FAR2: variants seen among roughly 807,000 people sequenced by gnomAD.
The protein encoded by FAR2 is epididymis secretory protein Li 81.
Under a neutral mutation model 56.0 loss-of-function variants are expected in FAR2, and 19 were observed. The ratio of observed to expected loss-of-function variants is 0.34; its 90% CI spans 0.24 to 0.50. FAR2 has a LOEUF of 0.50. Among genes scored for constraint, FAR2 ranks in the 20% least tolerant of loss-of-function variants. FAR2 has a pLI of 0.98. For missense variants in FAR2, 508 were observed against 642.2 expected (o/e 0.79, Z 2.26); for synonymous variants, 219 against 218.8 (o/e 1.00, Z -0.01).
At chr12:29,220,179 C>G (rs1947669575) in intron 1 of FAR2, among the ~76,000 whole-genome samples, 2 of 152,146 alleles carry the variant, frequency 1.3e-5, no homozygotes, top group Non-Finnish European at 2.9e-5. Flanking sequence ...CTGGCTGTGT[C>G]AATTTTTCGT....
chr12:29,231,150 G>C (rs766860243), intron 1 of FAR2, among the ~76,000 whole-genome samples: 2 of 152,160 alleles, frequency 1.3e-5, no homozygotes, highest in Non-Finnish European at 2.9e-5. Context: ...CAACGAGTTT[G>C]GAGTTGGGGA....
intron 1 of FAR2, among the ~76,000 whole-genome samples, chr12:29,166,729 C>T (rs1056453000): frequency 2.6e-5 from 4 of 152,196 alleles, no homozygotes; most frequent in African/African-American, 9.6e-5. Context: ...AGTCCTCAGG[C>T]TTTGACATTG....
chr12:29,229,298 T>A (rs1271691891), intron 1 of FAR2, among the ~76,000 whole-genome samples: 1 of 152,214 alleles, frequency 6.6e-6, no homozygotes, highest in Non-Finnish European at 1.5e-5. Context: ...AGTCTGATTG[T>A]TAAACAAGCT....
chr12:29,242,219 C>T (rs1201788626), intron 1 of FAR2, among the ~76,000 whole-genome samples: 1 of 152,106 alleles, frequency 6.6e-6, no homozygotes, highest in Non-Finnish European at 1.5e-5. Flanking sequence ...CTCAAAATGA[C>T]AAATAAGGTG....
At chr12:29,175,235 T>C (rs1243804908) in intron 1 of FAR2, among the ~76,000 whole-genome samples, 2 of 152,220 alleles carry the variant, frequency 1.3e-5, no homozygotes, top group African/African-American at 4.8e-5. Context: ...CCAGAATTGG[T>C]TCCTTCCAGT....
At chr12:29,250,363 G>T (rs1450172448) in intron 1 of FAR2, among the ~76,000 whole-genome samples, 1 of 152,168 alleles carries the variant, frequency 6.6e-6, no homozygotes, top group Admixed American at 6.5e-5. Context: ...AGGCAGCTCT[G>T]TGGGATAGTT....
chr12:29,204,296 C>G (rs921680623), intron 1 of FAR2, among the ~76,000 whole-genome samples: 1 of 151,958 alleles, frequency 6.6e-6, no homozygotes, highest in Non-Finnish European at 1.5e-5. Flanking sequence ...AGTGAAGACA[C>G]GGCCCCTGTC....
In FAR2 at chr12:29,170,415, A is replaced by G. The variant is rs543469527; in HGVS notation, c.-39+21008A>G. Among the ~76,000 whole-genome samples, 126 of 152,390 alleles carry G rather than the reference A, an allele frequency of 8.3e-4. 1 individual carries two copies. The highest frequency in any genetic ancestry group is 2.9e-3 in the African/African-American group (119 of 41,602). ...TCAGTGGCCTCAGTGCTTTCGGGCT[A>G]TGCCCTTGTTTACACTGACAACAAG... On this transcript the variant is annotated intron_variant, in intron 1 of 11. Coordinates refer to ENST00000536681, the MANE Select transcript of FAR2 (RefSeq NM_001271783.2).
At chr12:29,324,509 G>T (rs1374191583) in intron 10 of FAR2, among the ~76,000 whole-genome samples, 3 of 152,162 alleles carry the variant, frequency 2.0e-5, no homozygotes, top group Admixed American at 6.5e-5. Flanking sequence ...GAAAGGTCGG[G>T]TTACCCACAA....
chr12:29,192,976 T>C (rs1454832413), intron 1 of FAR2, among the ~76,000 whole-genome samples: 1 of 152,252 alleles, frequency 6.6e-6, no homozygotes, highest in Non-Finnish European at 1.5e-5. Flanking sequence ...CTTTTTCATT[T>C]GTTAACAACG....
At chr12:29,221,930 C>T (rs1947698599) in intron 1 of FAR2, among the ~76,000 whole-genome samples, 2 of 152,170 alleles carry the variant, frequency 1.3e-5, no homozygotes, top group African/African-American at 2.4e-5. Context: ...CCACTACAAC[C>T]TCCGCCTCCC....
intron 1 of FAR2, among the ~76,000 whole-genome samples, chr12:29,201,144 T>G (rs184721945): frequency 3.6e-4 from 55 of 152,224 alleles, no homozygotes; most frequent in Non-Finnish European, 3.2e-4. Context: ...GCTTGAAGGT[T>G]TCCTCTCTCT....
At position 29,318,706 on chromosome 12, in the gene FAR2, T is replaced by C. The variant is rs1565522362; in HGVS notation, c.1127+1694T>C. 2.0e-5 allele frequency among the ~76,000 whole-genome samples: 3 copies of C among 152,336 alleles called. No homozygotes were observed. In the East Asian group the frequency reaches 5.8e-4, roughly 29 times the overall value. The stretch of plus-strand genomic sequence containing the variant: ...GGTATGTGTGTATATAAATCAATTG[T>C]ACATATTTTACAACTTTTTCCACTA... On this transcript the variant is annotated intron_variant, in intron 9 of 11. Coordinates refer to ENST00000536681, the MANE Select transcript of FAR2 (RefSeq NM_001271783.2).
intron 1 of FAR2, among the ~76,000 whole-genome samples, chr12:29,266,838 A>T (rs1165171692): frequency 6.6e-6 from 1 of 152,170 alleles, no homozygotes; most frequent in East Asian, 1.9e-4. Context: ...CTTTAGAAAG[A>T]AATCTCTAAA....
chr12:29,295,961 G>A (rs1036641119), intron 3 of FAR2, among the ~76,000 whole-genome samples: 3 of 150,426 alleles, frequency 2.0e-5, no homozygotes, highest in Non-Finnish European at 4.4e-5. Context: ...GTAGAGACGG[G>A]GTTTCACCTT....
intron 1 of FAR2, among the ~76,000 whole-genome samples, chr12:29,218,363 A>C (rs1947648063): frequency 6.6e-6 from 1 of 151,894 alleles, no homozygotes; most frequent in African/African-American, 2.4e-5. Context: ...CGTCTCAAAA[A>C]AAAAAAAGAT....
rs369218390 is a variant in FAR2 at position 29,221,283 on chromosome 12, C to A, written c.-38-49129C>A. On this transcript the variant is annotated intron_variant, in intron 1 of 11. Coordinates refer to ENST00000536681, the MANE Select transcript of FAR2 (RefSeq NM_001271783.2). The stretch of plus-strand genomic sequence containing the variant: ...GCCTTTCCCTGATGCCGACTAGGAC[C>A]AATTATTATTTTAGAGAAAGTGTAA... Among the ~76,000 whole-genome samples the A allele has an allele frequency of 4.6e-5, 7 of 152,010 alleles. No individual in the cohort carries two copies. In the East Asian group the frequency reaches 1.2e-3, roughly 25 times the overall value.
rs74780103 is a variant in FAR2, at chr12:29,240,071, C to T, written c.-38-30341C>T. Reference sequence around the variant, plus strand: ...CCATCGTTCCAAGAGCTTCCAAAATCTCTTTCTCTATCAAAAAGACAAATG... The same window carrying T: ...CCATCGTTCCAAGAGCTTCCAAAATTTCTTTCTCTATCAAAAAGACAAATG... On this transcript the variant is annotated intron_variant, in intron 1 of 11. Transcript: ENST00000536681. 7.0e-3 allele frequency among the ~76,000 whole-genome samples: 1,069 copies of T among 152,348 alleles called. 7 individuals carry two copies. Among genetic ancestry groups the T allele is most frequent in the Non-Finnish European group, 0.011 (746 of 68,040 alleles).
rs556779199 is a variant in FAR2, at chr12:29,308,254, T to C, written c.723+419T>C. Among the ~76,000 whole-genome samples the C allele has an allele frequency of 2.6e-5, 4 of 152,326 alleles. No individual in the cohort carries two copies. The South Asian group carries it at 8.3e-4, about 32-fold the overall frequency. On this transcript the variant is annotated intron_variant, in intron 5 of 11. Transcript: ENST00000536681. ...TCAGTTTAGGAATACTAATTTTTTT[T>C]AAACCTCAGTATACTGTCATGACCT...
Sources: allele counts gnomAD v4.1 joint callset (sites outside exome capture counted in the v4.1 genomes callset), GRCh38; gene constraint gnomAD v4.1.1; transcripts MANE v1.5; gene names NCBI Gene and HGNC (gene_info 2026-07-23, HGNC 2026-07-21).